Variants in FER observed in about 807,000 individuals in gnomAD.
FER encodes tyrosine-protein kinase Fer.
FER carries 63 observed loss-of-function variants against 111.0 expected under a neutral mutation model. That is an observed-to-expected ratio of 0.57 (90% CI 0.46 to 0.70). FER has a LOEUF of 0.70. Ranked by LOEUF, FER falls within the 30% of genes least tolerant of loss-of-function variation. The pLI, the probability that FER is intolerant of heterozygous loss-of-function variation, is 0.00. For missense variants in FER, 914 were observed against 954.0 expected (o/e 0.96, Z 0.55); for synonymous variants, 327 against 313.9 (o/e 1.04, Z -0.44).
intron 10 of FER, 31 bp downstream of exon 10, chr5:108,897,879 TG>T (rs759965222): frequency 2.0e-5 from 31 of 1,555,538 alleles, no homozygotes; most frequent in African/African-American, 1.4e-5. Flanking sequence ...ATGAGAAACT[TG>T]GAAGAGTAGT....
At chr5:109,127,441 G>C (rs1582156542) in intron 17 of FER, among the ~76,000 whole-genome samples, 1 of 151,936 alleles carries the variant, frequency 6.6e-6, no homozygotes, top group African/African-American at 2.4e-5. Flanking sequence ...GTCTCGCTCT[G>C]TTGCCAGGCT....
intron 9 of FER, chr5:108,891,445 C>T (rs958909534): frequency 2.6e-5 from 4 of 151,786 alleles, no homozygotes; most frequent in South Asian, 2.1e-4. Context: ...TAGGCTGGTC[C>T]GAAGAGTGGA....
intron 17 of FER, among the ~76,000 whole-genome samples, chr5:109,115,519 A>T (rs1750121088): frequency 6.6e-6 from 1 of 152,146 alleles, no homozygotes; most frequent in Non-Finnish European, 1.5e-5. Flanking sequence ...GAGAATTTTT[A>T]TGTTCGTTTA....
chr5:108,802,503 C>A (rs757443319), intron 3 of FER, among the ~76,000 whole-genome samples: 1 of 151,920 alleles, frequency 6.6e-6, no homozygotes, highest in African/African-American at 2.4e-5. Flanking sequence ...CCTTTCCCCC[C>A]GTCCTTCCCT....
intron 17 of FER, among the ~76,000 whole-genome samples, chr5:109,135,270 C>A (rs1291109208): frequency 6.6e-6 from 1 of 152,142 alleles, no homozygotes; most frequent in Non-Finnish European, 1.5e-5. Flanking sequence ...TTCACTTAAT[C>A]CTCACAAAAT....
chr5:108,868,254 A>G (rs1320805551), intron 6 of FER, among the ~76,000 whole-genome samples: 1 of 152,118 alleles, frequency 6.6e-6, no homozygotes, highest in African/African-American at 2.4e-5. Context: ...CTGCCTCCAG[A>G]GAGTTGGGTA....
chr5:109,043,178 T>G (rs370935267), intron 14 of FER, among the ~76,000 whole-genome samples: 1 of 152,326 alleles, frequency 6.6e-6, no homozygotes, highest in Non-Finnish European at 1.5e-5. Context: ...AGGAAGAATC[T>G]TTTGATTAAT....
chr5:108,953,258 G>A (rs1311849529), intron 11 of FER, among the ~76,000 whole-genome samples: 1 of 151,684 alleles, frequency 6.6e-6, no homozygotes, highest in Non-Finnish European at 1.5e-5. Flanking sequence ...TGGGTCTTTA[G>A]ATAAAATTGC....
chr5:109,082,003 G>T (rs577098644), intron 16 of FER, among the ~76,000 whole-genome samples: 29 of 152,030 alleles, frequency 1.9e-4, no homozygotes, highest in Non-Finnish European at 2.2e-4. Context: ...TTGTGTGTCT[G>T]TGTAGCCATT....
chr5:109,002,053 T>C (rs1375575963), intron 13 of FER, among the ~76,000 whole-genome samples: 2 of 151,578 alleles, frequency 1.3e-5, no homozygotes, highest in African/African-American at 4.9e-5. Flanking sequence ...CTGCCCAAGG[T>C]AATTTATAGA....
At chr5:109,060,511 C>G (rs900335624) in intron 16 of FER, among the ~76,000 whole-genome samples, 2 of 151,834 alleles carry the variant, frequency 1.3e-5, no homozygotes, top group Non-Finnish European at 1.5e-5. Flanking sequence ...TGGTGAAACC[C>G]TGTCTCCACT....
chr5:109,113,645 T>C (rs1749891627), intron 17 of FER, among the ~76,000 whole-genome samples: 1 of 152,174 alleles, frequency 6.6e-6, no homozygotes, highest in Admixed American at 6.6e-5. Flanking sequence ...TCTTGAAGGG[T>C]GGAACTATAT....
intron 16 of FER, among the ~76,000 whole-genome samples, chr5:109,070,020 C>T (rs983379957): frequency 2.4e-4 from 36 of 152,134 alleles, no homozygotes; most frequent in Non-Finnish European, 4.4e-5. Context: ...CAATCTTAAA[C>T]GTTGAGATTT....
intron 13 of FER, among the ~76,000 whole-genome samples, chr5:109,033,659 G>C (rs1050744763): frequency 8.5e-5 from 13 of 152,048 alleles, no homozygotes; most frequent in African/African-American, 2.4e-4. Context: ...TAATACCTAA[G>C]GGGGAGAGGG....
chr5:109,004,016 CT>C (rs142897780), intron 13 of FER, among the ~76,000 whole-genome samples: 56 of 151,612 alleles, frequency 3.7e-4, no homozygotes, highest in African/African-American at 1.3e-3. Flanking sequence ...ATTGTACAAT[CT>C]TTTTTTTTGT....
intron 10 of FER, among the ~76,000 whole-genome samples, chr5:108,921,407 A>G (rs1378345159): frequency 6.6e-6 from 1 of 152,096 alleles, no homozygotes; most frequent in Non-Finnish European, 1.5e-5. Flanking sequence ...CTTAAACTGT[A>G]GCTCTCAGAA....
chr5:109,184,749 C>T (rs536919670), intron 18 of FER, among the ~76,000 whole-genome samples: 33 of 152,310 alleles, frequency 2.2e-4, no homozygotes, highest in Non-Finnish European at 3.4e-4. Flanking sequence ...CTAAGAAGGA[C>T]GCTACTTCAC....
chr5:109,112,446 T>C (rs1310564836), intron 17 of FER, among the ~76,000 whole-genome samples: 5 of 152,166 alleles, frequency 3.3e-5, no homozygotes, highest in Non-Finnish European at 7.4e-5. Flanking sequence ...ATAATGTAGC[T>C]GAAGTAAAAC....
intron 3 of FER, among the ~76,000 whole-genome samples, chr5:108,816,235 T>A (rs1758264006): frequency 6.6e-6 from 1 of 152,236 alleles, no homozygotes; most frequent in Non-Finnish European, 1.5e-5. Context: ...ACTAGGTGAA[T>A]GCAGAAAACT....
Sources: allele counts gnomAD v4.1 joint callset (sites outside exome capture counted in the v4.1 genomes callset), GRCh38; gene constraint gnomAD v4.1.1; transcripts MANE v1.5; gene names NCBI Gene and HGNC (gene_info 2026-07-23, HGNC 2026-07-21).